The following XRRA1 variants were observed in gnomAD, a reference collection of about 807,000 sequenced individuals.
XRRA1 encodes the protein X-ray radiation resistance-associated protein 1.
Under a neutral mutation model 80.2 loss-of-function variants are expected in XRRA1, and 69 were observed. That is an observed-to-expected ratio of 0.86 (90% confidence interval 0.71 to 1.05). The LOEUF is 1.05. XRRA1 is among the 50% of genes least tolerant of loss of function. The pLI, the probability that XRRA1 is intolerant of heterozygous loss-of-function variation, is 0.00. For synonymous variants in XRRA1, 348 were observed against 389.9 expected, an observed-to-expected ratio of 0.89 and a Z score of 1.27; for missense variants, 967 against 976.4, an observed-to-expected ratio of 0.99 and a Z score of 0.13.
chr11:74,851,271 G>T, intron 13 of XRRA1, 68 bp from the exon 14 acceptor site: 1 of 1,221,062 alleles, frequency 8.2e-7, no homozygotes, highest in Non-Finnish European at 1.1e-6. Flanking sequence ...CTATGTGCCA[G>T]GCACTATTCA....
chr11:74,890,460 A>C (rs1387710796), intron 10 of XRRA1, among the ~76,000 whole-genome samples: 2 of 152,262 alleles, frequency 1.3e-5, no homozygotes, highest in Admixed American at 1.3e-4. Flanking sequence ...GAAATATCTA[A>C]AATTGACACC....
At chr11:74,867,917 C>CTTTT (rs60520990) in intron 10 of XRRA1, among the ~76,000 whole-genome samples, 25,920 of 106,606 alleles carry the variant, frequency 0.24, 4,564 homozygotes, top group East Asian at 0.5. Context: ...TATAGTCAAT[C>CTTTT]TTTTTTTTTT....
At chr11:74,855,295 TCA>T (rs2040824647) in intron 12 of XRRA1, among the ~76,000 whole-genome samples, 1 of 152,090 alleles carries the variant, frequency 6.6e-6, no homozygotes, top group Non-Finnish European at 1.5e-5. Context: ...CAAGAGACAA[TCA>T]CTAAAGAATG....
intron 8 of XRRA1, chr11:74,919,576 G>C (rs1326439291): frequency 2.1e-6 from 1 of 480,318 alleles, no homozygotes; most frequent in Non-Finnish European, 4.0e-6. Context: ...ATGAAGCCGG[G>C]ACCCGGCAGA....
At chr11:74,919,616 G>A (rs1940004416) in intron 8 of XRRA1, 3 of 549,976 alleles carry the variant, frequency 5.5e-6, no homozygotes, top group Admixed American at 2.1e-5. Context: ...GTGGCAAGAA[G>A]AAAAAGGGCC....
chr11:74,875,775 GCACGATAATTGCTTTAA>G (rs1211747111), intron 10 of XRRA1, among the ~76,000 whole-genome samples: 1 of 152,140 alleles, frequency 6.6e-6, no homozygotes, highest in Non-Finnish European at 1.5e-5. Flanking sequence ...GGAGGCTGAG[GCACGATAATTGCTTTAA>G]CACAGGAGGT....
intron 2 of XRRA1, among the ~76,000 whole-genome samples, chr11:74,942,180 G>T (rs185137264): frequency 6.6e-6 from 1 of 152,080 alleles, no homozygotes; most frequent in South Asian, 2.1e-4. Flanking sequence ...TAGGAGAACC[G>T]GGGGGTGGAG....
At chr11:74,913,267 G>A (rs2138530566) in intron 8 of XRRA1, among the ~76,000 whole-genome samples, 2 of 152,308 alleles carry the variant, frequency 1.3e-5, no homozygotes, top group South Asian at 4.1e-4. Flanking sequence ...GGTAATTGCA[G>A]AGATTACTGC....
intron 10 of XRRA1, among the ~76,000 whole-genome samples, chr11:74,866,564 T>C (rs1222395046): frequency 6.6e-6 from 1 of 151,706 alleles, no homozygotes; most frequent in African/African-American, 2.4e-5. Flanking sequence ...CCAAAACAGA[T>C]GTTTTAAGGA....
intron 10 of XRRA1, among the ~76,000 whole-genome samples, chr11:74,875,756 G>A (rs748136724): frequency 1.7e-4 from 26 of 152,046 alleles, no homozygotes; most frequent in Non-Finnish European, 3.7e-4. Context: ...CTGTAATCCC[G>A]GTTACTTGGG....
intron 10 of XRRA1, among the ~76,000 whole-genome samples, chr11:74,900,100 G>C (rs1432625154): frequency 6.6e-6 from 1 of 151,850 alleles, no homozygotes; most frequent in Non-Finnish European, 1.5e-5. Context: ...AGGAGGCGGA[G>C]GTTGCAGTGA....
At chr11:74,844,942 C>G in intron 16 of XRRA1, 131 bp downstream of exon 16, 1 of 859,312 alleles carries the variant, frequency 1.2e-6, no homozygotes, top group South Asian at 1.7e-5. Context: ...AGCCCTTTGA[C>G]AGGTATTTAG....
intron 10 of XRRA1, among the ~76,000 whole-genome samples, chr11:74,885,337 T>C (rs550482936): frequency 3.1e-4 from 47 of 152,066 alleles, no homozygotes; most frequent in African/African-American, 1.0e-3. Flanking sequence ...GACTGCTAGC[T>C]AGATTAATAA....
At position 74,859,207 on chromosome 11, in the gene XRRA1, A is replaced by G. The variant is rs1402269207; in HGVS notation, c.1121T>C (p.Leu374Pro). ...TCTCAGCTCTGGGAAGGGTGGGGCC[A>G]GCGTCTGGTTCCTGGCCTTCAGTGA... is the stretch of plus-strand genomic sequence containing the variant. ...VKSLKARNQT[L>P]APPFPELRYL... Residue 374 changes from leucine to proline, a missense_variant, in exon 12 of 19, where the codon CTG (leucine) becomes CCG (proline). By Grantham distance (98) the Leu-to-Pro change is moderately conservative (BLOSUM62 -3). Transcript: ENST00000684022. The G allele has an allele frequency of 2.5e-6, 4 of 1,609,956 alleles. No individual in the cohort carries two copies. Among genetic ancestry groups the G allele is most frequent in the Non-Finnish European group, 1.7e-6 (2 of 1,178,436 alleles).
chr11:74,890,464 T>G (rs1480230856), intron 10 of XRRA1, among the ~76,000 whole-genome samples: 1 of 151,984 alleles, frequency 6.6e-6, no homozygotes, highest in Non-Finnish European at 1.5e-5. Context: ...TATCTAAAAT[T>G]GACACCCTAA....
chr11:74,925,352 G>T (rs1388981670), intron 7 of XRRA1, among the ~76,000 whole-genome samples: 1 of 151,728 alleles, frequency 6.6e-6, no homozygotes, highest in Non-Finnish European at 1.5e-5. Flanking sequence ...TTCTACTCTG[G>T]GCTTTTCCTC....
chr11:74,853,104 C>T (rs1277592888), intron 12 of XRRA1, among the ~76,000 whole-genome samples: 4 of 152,214 alleles, frequency 2.6e-5, no homozygotes, highest in Non-Finnish European at 5.9e-5. Context: ...AATTTCTGCC[C>T]TCAGAGAGCA....
At chr11:74,864,331 T>A (rs79083396) in intron 10 of XRRA1, among the ~76,000 whole-genome samples, 2,414 of 152,066 alleles carry the variant, frequency 0.016, 58 homozygotes, top group African/African-American at 0.055. Context: ...GTGGAGAGAC[T>A]CTCAGAATGC....
intron 10 of XRRA1, chr11:74,863,330 C>G (rs1408356583): frequency 2.6e-6 from 1 of 387,750 alleles, no homozygotes; most frequent in Non-Finnish European, 4.7e-6. Flanking sequence ...TGTATTTCAG[C>G]CACACTGACT....
Sources: allele counts gnomAD v4.1 joint callset (sites outside exome capture counted in the v4.1 genomes callset), GRCh38; gene constraint gnomAD v4.1.1; transcripts MANE v1.5; gene names NCBI Gene and HGNC (gene_info 2026-07-23, HGNC 2026-07-21).